C11orf65: variants seen among roughly 807,000 people sequenced by gnomAD.
C11orf65 encodes the protein protein MFI.
In C11orf65, 38 loss-of-function variants were observed where a neutral mutation model predicts 35.3. The observed-to-expected ratio is 1.08, with a 90% CI of 0.83 to 1.41. The LOEUF (loss-of-function observed/expected upper bound fraction) is 1.41, where lower values mean the gene tolerates loss of function less well. C11orf65 is among the 40% of genes most tolerant of loss of function. The pLI is 0.00. For synonymous variants in C11orf65, 105 were observed against 114.4 expected (o/e 0.92, Z 0.53); for missense variants, 370 against 367.1 (o/e 1.01, Z -0.06).
At chr11:108,341,228 C>A (rs1003579298) in intron 2 of C11orf65, among the ~76,000 whole-genome samples, 1 of 152,014 alleles carries the variant, frequency 6.6e-6, no homozygotes, top group Non-Finnish European at 1.5e-5. Flanking sequence ...GGCTTTTCTG[C>A]TTCTGCCTGC....
intron 2 of C11orf65, among the ~76,000 whole-genome samples, chr11:108,455,982 C>A (rs1591607673): frequency 6.6e-6 from 1 of 151,794 alleles, no homozygotes; most frequent in African/African-American, 2.4e-5. Flanking sequence ...CGGCAAGACA[C>A]CCCATCTACA....
chr11:108,403,282 G>C (rs895570844), intron 6 of C11orf65, among the ~76,000 whole-genome samples: 1 of 152,042 alleles, frequency 6.6e-6, no homozygotes, highest in Non-Finnish European at 1.5e-5. Context: ...TATCATTTTA[G>C]TTAGCACTTC....
intron 2 of C11orf65, among the ~76,000 whole-genome samples, chr11:108,451,269 G>T (rs1327103116): frequency 6.6e-6 from 1 of 151,882 alleles, no homozygotes; most frequent in Non-Finnish European, 1.5e-5. Flanking sequence ...CATCATCTCA[G>T]CCCAAAATCT....
In C11orf65 at chr11:108,310,276, T is replaced by A. The variant is rs587782503; in HGVS notation, c.641-1205A>T. 1 of 1,613,574 alleles carries A rather than the reference T, an allele frequency of 6.2e-7. No individual in the cohort carries two copies. Among genetic ancestry groups the A allele is most frequent in the Non-Finnish European group, 8.5e-7 (1 of 1,179,720 alleles). The stretch of plus-strand genomic sequence containing the variant: ...TTTACAGCTTTACTCTATGCAGAAA[T>A]CTATGCAGATAAGAAAAGTATGGAT... On this transcript the variant is annotated intron_variant, in intron 6 of 6. Transcript: ENST00000525729.
At chr11:108,390,491 G>A (rs2092133097) in intron 7 of C11orf65, among the ~76,000 whole-genome samples, 1 of 152,064 alleles carries the variant, frequency 6.6e-6, no homozygotes, top group Non-Finnish European at 1.5e-5. Flanking sequence ...AGAATATCTG[G>A]TATCAATTTT....
Position 108,365,677 on chromosome 11 carries a change from T to C in C11orf65, c.226+27531A>G, listed in dbSNP as rs1446042533. The C allele has an allele frequency of 7.1e-6, 6 of 849,860 alleles. No homozygotes were observed. The East Asian group carries it at 1.1e-4, about 15-fold the overall frequency. The allele number at this position is 849,860 out of a possible 1,614,324, so 52.6% of individuals were successfully genotyped here. Reference sequence around the variant, plus strand: ...GATTTAATCACCACTCAAAAATGTTTTGATGGTCTTAAGGAACATCTCTGC... The same window carrying C: ...GATTTAATCACCACTCAAAAATGTTCTGATGGTCTTAAGGAACATCTCTGC... On this transcript the variant is annotated intron_variant, in intron 2 of 3. Transcript: ENST00000524755.
chr11:108,411,079 T>C (rs1443814643), intron 3 of C11orf65, among the ~76,000 whole-genome samples: 1 of 152,158 alleles, frequency 6.6e-6, no homozygotes, highest in Non-Finnish European at 1.5e-5. Flanking sequence ...CTTTGTAAAT[T>C]GATTTTTAAT....
chr11:108,403,229 AGACT>A (rs1442911594), intron 6 of C11orf65, among the ~76,000 whole-genome samples: 1 of 152,180 alleles, frequency 6.6e-6, no homozygotes, highest in African/African-American at 2.4e-5. Context: ...TTGGCATGAC[AGACT>A]ATTTCAGTCA....
chr11:108,385,666 A>G (rs2091975661), intron 8 of C11orf65, among the ~76,000 whole-genome samples: 1 of 145,630 alleles, frequency 6.9e-6, no homozygotes, highest in Non-Finnish European at 1.5e-5. Flanking sequence ...TGGGCGACAG[A>G]GCAAGACTCC....
intron 3 of C11orf65, chr11:108,333,830 G>T: frequency 7.4e-7 from 1 of 1,356,136 alleles, no homozygotes; most frequent in South Asian, 1.2e-5. Context: ...ATTCCTGCTT[G>T]ACCTTCAATG....
chr11:108,377,834 A>G (rs1028495105), downstream of C11orf65, among the ~76,000 whole-genome samples: 37 of 152,166 alleles, frequency 2.4e-4, no homozygotes, highest in African/African-American at 7.9e-4. Flanking sequence ...TTATACACCA[A>G]TAACAGACAA....
Position 108,393,253 on chromosome 11 carries a change from T to C in C11orf65, c.686A>G (p.Glu229Gly). The change falls in exon 7 of 9, where the codon GAA becomes GGA. Residue 229 changes from glutamate (E) to glycine (G), a missense_variant. Physicochemically the swap from Glu to Gly is moderately conservative, Grantham distance 98. Transcript: ENST00000393084. ...TGTCCAGTTCAGCACTTCATCCACT[T>C]CCCATTCCATCACAGAATCTATCCC... ...DGGIDSVMEW[E>G]VDEVLNWTNT... 1.2e-6 allele frequency: 2 copies of C among 1,614,094 alleles called. No individual in the cohort carries two copies. Among genetic ancestry groups the C allele is most frequent in the South Asian group, 2.2e-5 (2 of 91,074 alleles).
At chr11:108,409,162 T>C (rs970209558) in intron 3 of C11orf65, among the ~76,000 whole-genome samples, 1 of 152,218 alleles carries the variant, frequency 6.6e-6, no homozygotes, top group Non-Finnish European at 1.5e-5. Flanking sequence ...GTGTATGTAG[T>C]TGTAGATAGC....
chr11:108,320,227 ATTG>A (rs1333876689), intron 6 of C11orf65, among the ~76,000 whole-genome samples: 5 of 152,150 alleles, frequency 3.3e-5, no homozygotes, highest in Admixed American at 3.3e-4. Context: ...TTCAAAACAA[ATTG>A]TTTCTGGGAT....
rs866093087 is a variant in C11orf65, at chr11:108,459,723, G to A, written c.81+1756C>T. On this transcript the variant is annotated intron_variant, in intron 2 of 8. Coordinates refer to ENST00000393084, the MANE Select transcript of C11orf65 (RefSeq NM_152587.5). ...GATAGAAGGTGAAAATGTGTCCTCC[G>A]TCTACACACACACACACACACACAC... Among the ~76,000 whole-genome samples, 257 of 74,414 alleles carry A rather than the reference G, an allele frequency of 3.5e-3. 3 individuals carry two copies. In the East Asian group the frequency reaches 0.11, roughly 31 times the overall value. The allele number at this position is 74,414 out of a possible 152,430, so 48.8% of individuals were successfully genotyped here. A position where few individuals can be genotyped will look rare whatever the true frequency, so the allele number is the denominator to read the frequency against.
intron 6 of C11orf65, among the ~76,000 whole-genome samples, chr11:108,400,401 T>C (rs970770072): frequency 4.6e-5 from 7 of 152,092 alleles, no homozygotes; most frequent in East Asian, 1.9e-4. Flanking sequence ...CCACATCCAA[T>C]CAAGGTAAGG....
intron 3 of C11orf65, among the ~76,000 whole-genome samples, chr11:108,430,850 A>C (rs1299380653): frequency 6.6e-6 from 1 of 150,450 alleles, no homozygotes; most frequent in Non-Finnish European, 1.5e-5. Context: ...GTCTTAAAAA[A>C]ATAAATAAAT....
rs781127950 is a variant in C11orf65 at position 108,431,832 on chromosome 11, C to T, written c.88G>A (p.Ala30Thr). 6.7e-6 allele frequency: 10 copies of T among 1,486,808 alleles called. No individual in the cohort carries two copies. Among genetic ancestry groups the T allele is most frequent in the African/African-American group, 1.4e-5 (1 of 72,456 alleles). The allele number at this position is 1,486,808 out of a possible 1,614,324, so 92.1% of individuals were successfully genotyped here. A position where few individuals can be genotyped will look rare whatever the true frequency, so the allele number is the denominator to read the frequency against. Residue 30 changes from alanine to threonine, a missense_variant, in exon 3 of 9, where the codon GCT becomes ACT. Coordinates refer to ENST00000393084, the MANE Select transcript of C11orf65 (RefSeq NM_152587.5). ...QQAWKSFLNV[A>T]IFQHFKSLID... ...AGACTTTTAAAGTGTTGAAATATAGCGACATTCTAAAGGTTCAAACACAAG... is the reference window on the plus strand; with the variant it reads ...AGACTTTTAAAGTGTTGAAATATAGTGACATTCTAAAGGTTCAAACACAAG...
intron 2 of C11orf65, among the ~76,000 whole-genome samples, chr11:108,348,099 A>G (rs2088676779): frequency 6.6e-6 from 1 of 152,146 alleles, no homozygotes; most frequent in Admixed American, 6.5e-5. Flanking sequence ...GGAATATATC[A>G]AGTTTTGTAA....
Sources: allele counts gnomAD v4.1 joint callset (sites outside exome capture counted in the v4.1 genomes callset), GRCh38; gene constraint gnomAD v4.1.1; transcripts MANE v1.5; gene names NCBI Gene and HGNC (gene_info 2026-07-23, HGNC 2026-07-21).